The following GRAMD1C variants were observed in gnomAD, a reference collection of about 807,000 sequenced individuals.
GRAMD1C encodes GRAM domain containing 1C.
In GRAMD1C, 89 loss-of-function variants were observed where a neutral mutation model predicts 97.8. The observed-to-expected ratio is 0.91, with a 90% confidence interval of 0.77 to 1.09. The LOEUF (loss-of-function observed/expected upper bound fraction) is 1.09. Among genes scored for constraint, GRAMD1C ranks in the 50% least tolerant of loss-of-function variants. GRAMD1C has a pLI of 0.00. For missense variants in GRAMD1C, 740 were observed against 766.4 expected (o/e 0.97, Z 0.41); for synonymous variants, 256 against 267.0 (o/e 0.96, Z 0.40).
At chr3:113,834,737 G>A (rs981079100), upstream of GRAMD1C, among the ~76,000 whole-genome samples, 12 of 148,952 alleles carry the variant, frequency 8.1e-5, no homozygotes, top group Non-Finnish European at 1.5e-4. Flanking sequence ...AGTTCGAGAC[G>A]AGCCTGATCA....
At chr3:113,836,211 T>A (rs577091474), upstream of GRAMD1C, among the ~76,000 whole-genome samples, 9 of 152,050 alleles carry the variant, frequency 5.9e-5, no homozygotes, top group South Asian at 1.9e-3. Context: ...TTACAGTGAG[T>A]CAAGATTGTG....
chr3:113,871,931 A>C (rs1392646781), intron 3 of GRAMD1C, among the ~76,000 whole-genome samples: 1 of 152,112 alleles, frequency 6.6e-6, no homozygotes, highest in East Asian at 1.9e-4. Context: ...ACAGAACAAG[A>C]CTTTGTCTCA....
chr3:113,942,101 A>G (rs946543369), intron 17 of GRAMD1C, among the ~76,000 whole-genome samples: 1 of 151,264 alleles, frequency 6.6e-6, no homozygotes, highest in African/African-American at 2.4e-5. Flanking sequence ...TTTTGTAGAG[A>G]CAAGGTTTTG....
intron 2 of GRAMD1C, among the ~76,000 whole-genome samples, chr3:113,860,549 A>G (rs115258527): frequency 0.012 from 1,835 of 152,334 alleles, 19 homozygotes; most frequent in Admixed American, 0.018. Context: ...TCCTATGGAT[A>G]TGCAAAGGAC....
rs576743742 is a variant in GRAMD1C, at chr3:113,858,697, C to G, written c.175-10810C>G. ...GCGTGAGCCACTGCACCTGGCCTCC[C>G]AGCTACTTTTGTATTTTTAGTAGCT... On this transcript the variant is annotated intron_variant, in intron 2 of 17. Coordinates refer to ENST00000358160, the MANE Select transcript of GRAMD1C (RefSeq NM_017577.5). Among the ~76,000 whole-genome samples, 3 of 151,940 alleles carry G rather than the reference C, an allele frequency of 2.0e-5. No homozygotes were observed. In the South Asian group the frequency reaches 6.2e-4, roughly 32 times the overall value.
chr3:113,846,536 A>C (rs1407555398), intron 2 of GRAMD1C, among the ~76,000 whole-genome samples: 1 of 152,164 alleles, frequency 6.6e-6, no homozygotes, highest in Non-Finnish European at 1.5e-5. Context: ...ATGGTAATGC[A>C]AGAAAAGGAA....
Position 113,875,507 on chromosome 3 carries a change from G to A in GRAMD1C, c.283G>A (p.Asp95Asn). Residue 95 changes from aspartate (D) to asparagine (N), a missense_variant, in exon 4 of 18, where the codon GAC becomes AAC. Transcript: ENST00000358160. ...AGATTATGCTTGTGCTCTTCAGAGG[G>A]ACATTTTGCTTCAGGGACGACTATA... ...IADYACALQR[D>N]ILLQGRLYLS... is the part of the protein sequence containing the mutation. 1 of 1,506,448 alleles carries A rather than the reference G, an allele frequency of 6.6e-7. No homozygotes were observed. The highest frequency in any genetic ancestry group is 2.3e-5 in the East Asian group (1 of 44,414). 93.3% of individuals were successfully genotyped at this position (1,506,448 alleles called of 1,614,324 possible). A position where few individuals can be genotyped will look rare whatever the true frequency, so the allele number is the denominator to read the frequency against.
chr3:113,885,780 A>T, intron 6 of GRAMD1C: 1 of 1,603,686 alleles, frequency 6.2e-7, no homozygotes, highest in Non-Finnish European at 8.5e-7. Flanking sequence ...ACAGCACTGC[A>T]CTTTGCAGTT....
In GRAMD1C at chr3:113,930,700, T is replaced by G. The variant is rs753826939; in HGVS notation, c.1091-14T>G. 6 of 1,320,728 alleles carry G rather than the reference T, an allele frequency of 4.5e-6. No individual in the cohort carries two copies. The Admixed American group carries it at 8.5e-5, about 19-fold the overall frequency. 81.8% of individuals were successfully genotyped at this position (1,320,728 alleles called of 1,614,324 possible). On this transcript the variant is annotated splice_polypyrimidine_tract_variant and intron_variant, in intron 10 of 17. Transcript: ENST00000358160. Reference sequence around the variant, plus strand: ...GTTTCTAGAACTAACTCATTTTGTGTTTGTTGTTGTTAGATGTAGTATCTA... The same window carrying G: ...GTTTCTAGAACTAACTCATTTTGTGGTTGTTGTTGTTAGATGTAGTATCTA...
In GRAMD1C at chr3:113,887,085, G is replaced by GTTTTT. The variant is rs531763397; in HGVS notation, c.540+4259_540+4263dup. Among the ~76,000 whole-genome samples the GTTTTT allele has an allele frequency of 2.8e-3, 199 of 71,416 alleles. 31 individuals carry two copies. Among genetic ancestry groups the GTTTTT allele is most frequent in the African/African-American group, 5.0e-3 (110 of 22,168 alleles). The allele number at this position is 71,416 out of a possible 152,430, so 46.9% of individuals were successfully genotyped here. A position where few individuals can be genotyped will look rare whatever the true frequency, so the allele number is the denominator to read the frequency against. ...ATGAGCCACTGCGCCTGGCCTTTTT[G>GTTTTT]TTTTTTTTTTGTTTTTTTTTTTTTT... On this transcript the variant is annotated intron_variant, in intron 6 of 17. Transcript: ENST00000358160.
At chr3:113,919,679 C>T in intron 10 of GRAMD1C, 1 of 640,986 alleles carries the variant, frequency 1.6e-6, no homozygotes. Flanking sequence ...TGTTCACCAG[C>T]TTGCCACCTG....
chr3:113,903,491 A>T (rs1392733847), intron 7 of GRAMD1C, among the ~76,000 whole-genome samples: 1 of 152,124 alleles, frequency 6.6e-6, no homozygotes, highest in Non-Finnish European at 1.5e-5. Context: ...TGAGCATTGG[A>T]AATTAGATCA....
At chr3:113,829,319 G>A (rs1279073210) in intron 1 of GRAMD1C, among the ~76,000 whole-genome samples, 1 of 152,172 alleles carries the variant, frequency 6.6e-6, no homozygotes, top group Non-Finnish European at 1.5e-5. Flanking sequence ...GGGGTGGTGT[G>A]GGCCTGTGGC....
chr3:113,870,759 T>A (rs546788345), intron 3 of GRAMD1C, among the ~76,000 whole-genome samples: 1 of 152,074 alleles, frequency 6.6e-6, no homozygotes, highest in South Asian at 2.1e-4. Context: ...AGCATCTTCA[T>A]AATTAGACAA....
intron 11 of GRAMD1C, among the ~76,000 whole-genome samples, chr3:113,932,727 A>C (rs542232405): frequency 6.6e-6 from 1 of 152,178 alleles, no homozygotes; most frequent in South Asian, 2.1e-4. Flanking sequence ...TCTCTTTAAG[A>C]GACAGTTTCA....
At chr3:113,848,062 C>T (rs1933692847) in intron 2 of GRAMD1C, among the ~76,000 whole-genome samples, 1 of 152,188 alleles carries the variant, frequency 6.6e-6, no homozygotes, top group African/African-American at 2.4e-5. Context: ...GGGAAGTTCA[C>T]TAATGTAGAA....
intron 10 of GRAMD1C, chr3:113,919,758 A>C: frequency 1.7e-6 from 1 of 587,606 alleles, no homozygotes; most frequent in Non-Finnish European, 3.2e-6. Flanking sequence ...TAATTTGAAT[A>C]TAGTAAGTCA....
intron 5 of GRAMD1C, among the ~76,000 whole-genome samples, chr3:113,879,620 C>T (rs568582202): frequency 1.1e-4 from 16 of 152,042 alleles, no homozygotes; most frequent in Middle Eastern, 6.8e-3. Flanking sequence ...TACAGTTCTC[C>T]ATGTCATCCC....
upstream of GRAMD1C, among the ~76,000 whole-genome samples, chr3:113,838,234 C>T (rs1577109902): frequency 6.6e-6 from 1 of 152,116 alleles, no homozygotes; most frequent in Non-Finnish European, 1.5e-5. Flanking sequence ...ATCTGCAATA[C>T]GTACAGCAGT....
Sources: gnomAD v4.1 joint callset for allele counts (sites outside exome capture counted in the v4.1 genomes callset) on GRCh38, gnomAD v4.1.1 for gene constraint, MANE v1.5 for transcripts, NCBI Gene and HGNC (gene_info 2026-07-23, HGNC 2026-07-21) for gene names.